SMARCAD1: variants seen among roughly 807,000 people sequenced by gnomAD.
SMARCAD1 encodes the protein SWI/SNF-related matrix-associated actin-dependent regulator of chromatin subfamily A containing DEAD/H box 1.
In SMARCAD1, 25 loss-of-function variants were observed where a neutral mutation model predicts 127.1. The ratio of observed to expected loss-of-function variants is 0.20; its 90% CI spans 0.14 to 0.27. The LOEUF is 0.27. SMARCAD1 is among the 10% of genes least tolerant of loss of function. The pLI, the probability that SMARCAD1 is intolerant of heterozygous loss-of-function variation, is 1.00. For synonymous variants in SMARCAD1, 400 were observed against 396.9 expected (o/e 1.01, Z -0.09); for missense variants, 807 against 1,206.0 (o/e 0.67, Z 4.90).
Position 94,207,990 on chromosome 4 carries a change from T to C in SMARCAD1, c.-130T>C. 1 of 387,328 alleles carries C rather than the reference T, an allele frequency of 2.6e-6. No homozygotes were observed. The allele number at this position is 387,328 out of a possible 1,614,324, so 24.0% of individuals were successfully genotyped here. On this transcript the variant is annotated 5_prime_UTR_variant, in exon 1 of 24. Coordinates refer to ENST00000354268, the MANE Select transcript of SMARCAD1 (RefSeq NM_020159.5). ...TCCTTTCTCGAGGCAGGGGGCACGG[T>C]AGCACAGGGAGCTTCTCTTTGTGGG...
intron 6 of SMARCAD1, among the ~76,000 whole-genome samples, chr4:94,247,163 T>C (rs1211369905): frequency 1.3e-5 from 2 of 152,202 alleles, no homozygotes; most frequent in African/African-American, 4.8e-5. Flanking sequence ...GGATTTGGTG[T>C]TTCCTATAAT....
intron 16 of SMARCAD1, 68 bp downstream of exon 16, chr4:94,277,227 GGTCTCTTT>G: frequency 3.2e-6 from 5 of 1,568,864 alleles, no homozygotes; most frequent in Non-Finnish European, 3.5e-6. Context: ...TCTTCTGTTA[GGTCTCTTT>G]TGTTGTTTTC....
chr4:94,272,587 A>G (rs953261693), intron 11 of SMARCAD1, among the ~76,000 whole-genome samples: 7 of 152,128 alleles, frequency 4.6e-5, no homozygotes, highest in African/African-American at 1.7e-4. Flanking sequence ...TAGTATATGC[A>G]GTATACTCTA....
intron 2 of SMARCAD1, among the ~76,000 whole-genome samples, chr4:94,225,453 C>A (rs1744844035): frequency 6.6e-6 from 1 of 152,074 alleles, no homozygotes; most frequent in African/African-American, 2.4e-5. Context: ...GGTACAATCT[C>A]CAAATATAGT....
In SMARCAD1 at chr4:94,223,734, A is replaced by ATTTTTTTT. The variant is rs944591007; in HGVS notation, c.191-2366_191-2359dup. Among the ~76,000 whole-genome samples, 67 of 100,158 alleles carry ATTTTTTTT rather than the reference A, an allele frequency of 6.7e-4. 2 individuals carry two copies. The highest frequency in any genetic ancestry group is 2.2e-3 in the African/African-American group (61 of 27,160). The allele number at this position is 100,158 out of a possible 152,430, so 65.7% of individuals were successfully genotyped here. On this transcript the variant is annotated intron_variant, in intron 2 of 23. Transcript: ENST00000354268. ...TGGCGTGCACCACCACTCCCGGCTA[A>ATTTTTTTT]TTTTTTTTTTTTTTTTTTTTTTTTT...
At chr4:94,218,447 G>A (rs282450) in intron 2 of SMARCAD1, among the ~76,000 whole-genome samples, 1 of 151,592 alleles carries the variant, frequency 6.6e-6, no homozygotes, top group African/African-American at 2.4e-5. Context: ...CATGCATCAC[G>A]ACGCCCAGCT....
chr4:94,279,053 A>G lies in SMARCAD1; in HGVS notation c.2418+3A>G. On this transcript the variant is annotated splice_donor_region_variant and intron_variant, in intron 19 of 23. Transcript: ENST00000354268. ...AAATGTCTCAGCTTATGCTAAAGGT[A>G]AGGATTTCATATTATGTTAACACTA... 3 of 1,614,082 alleles carry G rather than the reference A, an allele frequency of 1.9e-6. No individual in the cohort carries two copies.
At position 94,252,768 on chromosome 4, in the gene SMARCAD1, G is replaced by A. The variant is rs747912885; in HGVS notation, c.1042G>A (p.Val348Ile). The change falls in exon 9 of 24, where the codon GTT becomes ATT. Residue 348 changes from valine to isoleucine, a missense_variant. Around this residue, in one of 8 missense-constraint regions of SMARCAD1, gnomAD observed 257 missense variants for 303.4 expected, o/e 0.85. Transcript: ENST00000354268. The stretch of plus-strand genomic sequence containing the variant: ...CTTTAACAAGAAACGTAAAAAAAAT[G>A]TTTTTAATCCAAAGAGAGTTGTTGA... The part of the protein sequence containing the change: ...NGFNKKRKKN[V>I]FNPKRVVEDS... 6.2e-7 allele frequency: 1 copy of A among 1,610,024 alleles called. No individual in the cohort carries two copies. The highest frequency in any genetic ancestry group is 1.1e-5 in the South Asian group (1 of 89,222).
chr4:94,208,141 G>A (rs531096064), intron 1 of SMARCAD1, 71 bp downstream of exon 1: 4 of 625,652 alleles, frequency 6.4e-6, no homozygotes, highest in South Asian at 4.5e-5. Context: ...GGCGGACGAA[G>A]GGGAGTGAAA....
At chr4:94,220,374 A>G (rs747650964) in intron 2 of SMARCAD1, among the ~76,000 whole-genome samples, 1 of 151,956 alleles carries the variant, frequency 6.6e-6, no homozygotes, top group Non-Finnish European at 1.5e-5. Context: ...CAGCCTCCCT[A>G]GTAGCTGGGA....
chr4:94,230,727 C>T (rs766699138), intron 3 of SMARCAD1, among the ~76,000 whole-genome samples: 3 of 152,018 alleles, frequency 2.0e-5, no homozygotes, highest in Non-Finnish European at 2.9e-5. Flanking sequence ...GATGTGTATG[C>T]TAGAAACTCT....
chr4:94,286,469 TG>T (rs547368844), intron 23 of SMARCAD1, among the ~76,000 whole-genome samples: 52 of 152,378 alleles, frequency 3.4e-4, no homozygotes, highest in African/African-American at 1.2e-3. Flanking sequence ...GTAAGGATTC[TG>T]GGTGTGAACT....
chr4:94,277,051 A>G lies in SMARCAD1; in HGVS notation c.1974A>G (p.Thr658=). 1.9e-6 allele frequency: 3 copies of G among 1,614,072 alleles called. No homozygotes were observed. The highest frequency in any genetic ancestry group is 2.2e-5 in the South Asian group (2 of 91,080). ...NANNRLLLTG[T]PVQNNLLELM... ...ATAACCGTTTGCTGCTCACAGGCAC[A>G]CCTGTACAGAACAATCTGTTAGAAC... Residue 658 remains threonine (T), a synonymous_variant, in exon 16 of 24, where the codon ACA becomes ACG. Transcript: ENST00000354268.
chr4:94,284,575 TGTTTTTTTTTTTTTTC>T (rs1754648888), intron 22 of SMARCAD1, among the ~76,000 whole-genome samples: 1 of 89,962 alleles, frequency 1.1e-5, no homozygotes, highest in African/African-American at 4.1e-5. Flanking sequence ...TTTTGGTTTT[TGTTTTTTTTTTTTTTC>T]GTTTTTTTTT....
At chr4:94,208,234 G>A in intron 1 of SMARCAD1, 112 bp from the exon 2 acceptor site, 1 of 778,682 alleles carries the variant, frequency 1.3e-6, no homozygotes, top group Non-Finnish European at 2.3e-6. Flanking sequence ...TAACAGTCCT[G>A]AGCCACTGGC....
rs546598177 is a variant in SMARCAD1 at position 94,253,716 on chromosome 4, T to C, written c.1281+709T>C. 1.7e-5 allele frequency: 17 copies of C among 995,292 alleles called. No homozygotes were observed. In the Admixed American group the frequency reaches 9.1e-4, roughly 53 times the overall value. 61.7% of individuals were successfully genotyped at this position (995,292 alleles called of 1,614,324 possible). A position where few individuals can be genotyped will look rare whatever the true frequency, so the allele number is the denominator to read the frequency against. ...TCATTTTCTGGAATTTGACTTTCTA[T>C]AAACAGGTTGTATACAGAATACCTG... On this transcript the variant is annotated intron_variant, in intron 9 of 23. Coordinates refer to ENST00000354268, the MANE Select transcript of SMARCAD1 (RefSeq NM_020159.5).
intron 19 of SMARCAD1, among the ~76,000 whole-genome samples, chr4:94,279,772 A>G (rs902167394): frequency 7.2e-5 from 11 of 152,056 alleles, no homozygotes; most frequent in East Asian, 1.9e-4. Flanking sequence ...AATTTTAGCA[A>G]TTACTCTTTA....
At chr4:94,283,024 C>A in intron 21 of SMARCAD1, 97 bp from the exon 22 acceptor site, 2 of 1,008,274 alleles carry the variant, frequency 2.0e-6, no homozygotes. Flanking sequence ...GTACATACAT[C>A]TTCAGGTTTC....
At chr4:94,246,173 G>T (rs1748385829) in intron 6 of SMARCAD1, among the ~76,000 whole-genome samples, 1 of 150,662 alleles carries the variant, frequency 6.6e-6, no homozygotes, top group South Asian at 2.1e-4. Flanking sequence ...GGGCTGGAGT[G>T]CAATGGCATG....
Sources: allele counts gnomAD v4.1 joint callset (sites outside exome capture counted in the v4.1 genomes callset), GRCh38; gene constraint gnomAD v4.1.1; regional missense constraint gnomAD v4.1.1; transcripts MANE v1.5; gene names NCBI Gene and HGNC (gene_info 2026-07-23, HGNC 2026-07-21).